Variants in HDAC9 observed in about 807,000 individuals in gnomAD.
HDAC9 encodes the protein histone deacetylase 9, also known as MEF-2 interacting transcription repressor (MITR) protein.
In HDAC9, 41 loss-of-function variants were observed where a neutral mutation model predicts 139.4. That is an observed-to-expected ratio of 0.29 (90% CI 0.23 to 0.38). The LOEUF (loss-of-function observed/expected upper bound fraction) is 0.38. Ranked by LOEUF, HDAC9 falls within the 10% of genes least tolerant of loss-of-function variation. The pLI, the probability that HDAC9 is intolerant of heterozygous loss-of-function variation, is 1.00. For synonymous variants in HDAC9, 517 were observed against 476.2 expected (o/e 1.09, Z -1.12); for missense variants, 1,147 against 1,297.0 (o/e 0.88, Z 1.78).
chr7:18,930,258 G>C (rs1397244478), intron 22 of HDAC9, among the ~76,000 whole-genome samples: 2 of 152,096 alleles, frequency 1.3e-5, no homozygotes, highest in African/African-American at 4.8e-5. Context: ...TAGCCCATCA[G>C]CCCTCACACT....
chr7:18,367,022 C>T (rs1454521225), intron 1 of HDAC9, among the ~76,000 whole-genome samples: 2 of 152,072 alleles, frequency 1.3e-5, no homozygotes, highest in Admixed American at 6.6e-5. Context: ...ACTAGTTTCT[C>T]ATTCTCTTCC....
chr7:18,704,619 A>C (rs890331702), intron 12 of HDAC9, among the ~76,000 whole-genome samples: 6 of 152,190 alleles, frequency 3.9e-5, no homozygotes, highest in Non-Finnish European at 8.8e-5. Flanking sequence ...ATGGGGACAA[A>C]CATAAGATTT....
At chr7:18,970,059 A>G (rs1450706385) in intron 24 of HDAC9, among the ~76,000 whole-genome samples, 2 of 152,204 alleles carry the variant, frequency 1.3e-5, no homozygotes, top group East Asian at 1.9e-4. Flanking sequence ...ATATTGCAGT[A>G]TCTTGAGAAG....
chr7:18,675,124 C>G (rs1264305318), intron 12 of HDAC9, among the ~76,000 whole-genome samples: 1 of 151,942 alleles, frequency 6.6e-6, no homozygotes, highest in African/African-American at 2.4e-5. Context: ...GAGAGTGAAT[C>G]AGCCTCCTCC....
intron 1 of HDAC9, among the ~76,000 whole-genome samples, chr7:18,305,302 G>A (rs1450883006): frequency 6.6e-6 from 1 of 152,122 alleles, no homozygotes; most frequent in South Asian, 2.1e-4. Context: ...GATATCCTAG[G>A]CCGGTGCCTG....
In HDAC9 at chr7:18,190,409, A is replaced by G. The variant is rs78752146; in HGVS notation, c.25+28060A>G. Among the ~76,000 whole-genome samples, 540 of 152,340 alleles carry G rather than the reference A, an allele frequency of 3.5e-3. 19 individuals carry two copies. The East Asian group carries it at 0.074, about 21-fold the overall frequency. ...TGAATATATGTGCTTAGGGATAGGG[A>G]CACACATGTACATGCATAGATGACT... On this transcript the variant is annotated intron_variant, in intron 2 of 12. Transcript: ENST00000417496.
intron 2 of HDAC9, 152 bp from the exon 3 acceptor site, chr7:18,585,129 A>G (rs1829056672): frequency 1.2e-6 from 1 of 846,118 alleles, no homozygotes; most frequent in Admixed American, 2.3e-5. Flanking sequence ...AAATGACTTT[A>G]TATCATCATT....
rs552577413 is a variant in HDAC9 at position 18,518,627 on chromosome 7, T to C, written c.22+22303T>C. Among the ~76,000 whole-genome samples the C allele has an allele frequency of 4.6e-5, 7 of 152,108 alleles. No homozygotes were observed. The East Asian group carries it at 1.2e-3, about 25-fold the overall frequency. The stretch of plus-strand genomic sequence containing the variant: ...AGAAAACCAACCCATCTTCCAAATA[T>C]AGAAAAGGTCGAGAAATTAATGCAA... On this transcript the variant is annotated intron_variant, in intron 2 of 25. Coordinates refer to ENST00000686413, the MANE Select transcript of HDAC9 (RefSeq NM_178425.4).
chr7:18,671,270 T>C (rs1434600794), intron 12 of HDAC9, among the ~76,000 whole-genome samples: 2 of 151,992 alleles, frequency 1.3e-5, no homozygotes, highest in Non-Finnish European at 2.9e-5. Context: ...TAAGTGGTAT[T>C]CTAATAGAAA....
chr7:18,445,121 A>G (rs1440449638), intron 1 of HDAC9, among the ~76,000 whole-genome samples: 1 of 152,194 alleles, frequency 6.6e-6, no homozygotes, highest in Non-Finnish European at 1.5e-5. Flanking sequence ...ACGAAACAAG[A>G]ATTCACAGCT....
At chr7:18,810,670 C>A (rs1794104013) in intron 17 of HDAC9, among the ~76,000 whole-genome samples, 1 of 151,854 alleles carries the variant, frequency 6.6e-6, no homozygotes, top group African/African-American at 2.4e-5. Flanking sequence ...TCCTTCATGT[C>A]CCTGGTAGTA....
At chr7:18,497,616 TAC>T (rs1797266416) in intron 2 of HDAC9, among the ~76,000 whole-genome samples, 1 of 152,160 alleles carries the variant, frequency 6.6e-6, no homozygotes, top group Non-Finnish European at 1.5e-5. Flanking sequence ...AGAATTTCAG[TAC>T]AGTTTATTCT....
intron 2 of HDAC9, among the ~76,000 whole-genome samples, chr7:18,199,608 C>T (rs79059487): frequency 5.3e-5 from 8 of 151,696 alleles, no homozygotes; most frequent in African/African-American, 9.7e-5. Flanking sequence ...CAACATAGTG[C>T]GACCTGTCTT....
Position 18,568,026 on chromosome 7 carries a change from G to GTGTATA in HDAC9, c.23-17254_23-17253insGTATAT, listed in dbSNP as rs1384273199. Among the ~76,000 whole-genome samples the GTGTATA allele has an allele frequency of 1.9e-3, 245 of 126,810 alleles. 8 individuals are homozygous for GTGTATA. The Middle Eastern group carries it at 0.02, about 11-fold the overall frequency. 83.2% of individuals were successfully genotyped at this position (126,810 alleles called of 152,430 possible). On this transcript the variant is annotated intron_variant, in intron 2 of 25. Coordinates refer to ENST00000686413, the MANE Select transcript of HDAC9 (RefSeq NM_178425.4). The stretch of plus-strand genomic sequence containing the variant: ...TTATACATACAGGATATATGTATAT[G>GTGTATA]TATATATATATATATATATATATAT...
intron 12 of HDAC9, chr7:18,668,883 T>G (rs1795478502): frequency 1.0e-6 from 1 of 983,754 alleles, no homozygotes; most frequent in Non-Finnish European, 1.2e-6. Context: ...ACTTGCCGTA[T>G]TTAATCGAAG....
chr7:18,567,447 A>ATTT (rs1822744856), intron 2 of HDAC9, among the ~76,000 whole-genome samples: 1 of 152,214 alleles, frequency 6.6e-6, no homozygotes, highest in Admixed American at 6.5e-5. Context: ...CAAGCAATTC[A>ATTT]TTTAAAGCAT....
intron 2 of HDAC9, among the ~76,000 whole-genome samples, chr7:18,504,613 A>G (rs926865306): frequency 3.9e-5 from 6 of 152,108 alleles, no homozygotes; most frequent in African/African-American, 1.2e-4. Flanking sequence ...CCTAGTTCCA[A>G]TTTTAGAGGT....
At chr7:18,296,004 C>T (rs1440270499) in intron 1 of HDAC9, among the ~76,000 whole-genome samples, 1 of 152,170 alleles carries the variant, frequency 6.6e-6, no homozygotes, top group Non-Finnish European at 1.5e-5. Context: ...AATTTTTCTG[C>T]AGGAGAGTGG....
intron 12 of HDAC9, among the ~76,000 whole-genome samples, chr7:18,686,577 G>A (rs1298792639): frequency 1.3e-5 from 2 of 151,934 alleles, no homozygotes; most frequent in East Asian, 3.9e-4. Context: ...ATGTATTAAT[G>A]TTTTAAAGTC....
Sources: allele counts gnomAD v4.1 joint callset (sites outside exome capture counted in the v4.1 genomes callset), GRCh38; gene constraint gnomAD v4.1.1; transcripts MANE v1.5; gene names NCBI Gene and HGNC (gene_info 2026-07-23, HGNC 2026-07-21).